The following GABBR2 variants were observed in gnomAD, a reference collection of about 807,000 sequenced individuals.
GABBR2 encodes the protein G-protein coupled receptor 51.
A neutral mutation model predicts 105.6 loss-of-function variants in GABBR2; 23 were observed. The ratio of observed to expected loss-of-function variants is 0.22; its 90% CI spans 0.16 to 0.31. The LOEUF (loss-of-function observed/expected upper bound fraction) is 0.31. GABBR2 is among the 10% of genes least tolerant of loss of function. The probability of loss-of-function intolerance (pLI) is 1.00; values close to 1 mark genes in which losing one functional copy is unlikely to be tolerated. For missense variants in GABBR2, 734 were observed against 1,245.5 expected (o/e 0.59, Z 6.18); for synonymous variants, 478 against 499.7 (o/e 0.96, Z 0.58).
At chr9:98,608,856 T>A (rs2131811689) in intron 1 of GABBR2, among the ~76,000 whole-genome samples, 1 of 152,364 alleles carries the variant, frequency 6.6e-6, no homozygotes, top group South Asian at 2.1e-4. Flanking sequence ...GCATCTTTCA[T>A]ATGGTAGGAA....
At chr9:98,304,041 C>T (rs903874884) in intron 15 of GABBR2, 1 of 152,254 alleles carries the variant, frequency 6.6e-6, no homozygotes, top group African/African-American at 2.4e-5. Context: ...CATCTCCGGT[C>T]GAAGCAGGCT....
chr9:98,688,152 T>A (rs887631030), intron 1 of GABBR2, among the ~76,000 whole-genome samples: 1 of 152,182 alleles, frequency 6.6e-6, no homozygotes, highest in African/African-American at 2.4e-5. Context: ...GCTCATTGAC[T>A]TTGTCTTGTC....
Position 98,536,268 on chromosome 9 carries a change from C to T in GABBR2, c.630+5605G>A, listed in dbSNP as rs1030274656. ...CTCCATAAGCTCACATCCTAGAATC[C>T]AAAATTCTTTGAGCTAGGAGGGATC... On this transcript the variant is annotated intron_variant, in intron 3 of 18. Transcript: ENST00000259455. 6.6e-5 allele frequency among the ~76,000 whole-genome samples: 10 copies of T among 152,220 alleles called. No individual in the cohort carries two copies. The South Asian group carries it at 2.1e-3, about 32-fold the overall frequency.
intron 7 of GABBR2, among the ~76,000 whole-genome samples, chr9:98,408,530 A>G (rs1371714860): frequency 6.6e-6 from 1 of 152,234 alleles, no homozygotes; most frequent in African/African-American, 2.4e-5. Flanking sequence ...GAGGGAGGCC[A>G]CAGGCCAGTA....
intron 2 of GABBR2, among the ~76,000 whole-genome samples, chr9:98,571,757 CA>C (rs886844075): frequency 9.2e-5 from 14 of 152,182 alleles, no homozygotes; most frequent in African/African-American, 3.4e-4. Flanking sequence ...CCTTGGCCCA[CA>C]GGGAACTCAT....
chr9:98,414,780 T>C (rs535380437), intron 7 of GABBR2, among the ~76,000 whole-genome samples: 35 of 152,272 alleles, frequency 2.3e-4, no homozygotes, highest in African/African-American at 8.2e-4. Flanking sequence ...ACTCCAGGCC[T>C]GGACCATGAA....
In GABBR2 at chr9:98,406,118, C is replaced by T. The variant is rs374042690; in HGVS notation, c.1260G>A (p.Gly420=). 2 of 1,583,214 alleles carry T rather than the reference C, an allele frequency of 1.3e-6. No individual in the cohort carries two copies. Among genetic ancestry groups the T allele is most frequent in the Non-Finnish European group, 1.7e-6 (2 of 1,162,858 alleles). The change falls in exon 8 of 19, where the codon GGG becomes GGA. Residue 420 remains glycine (G), a synonymous_variant. Transcript: ENST00000259455. ...TAAATTTAATGGTCCCCATTCTCTCCCCATTCCGGAATACAACTTGACCCT... is the reference window on the plus strand; with the variant it reads ...TAAATTTAATGGTCCCCATTCTCTCTCCATTCCGGAATACAACTTGACCCT... ...GVTGQVVFRN[G]ERMGTIKFTQ... is the part of the protein sequence containing the mutation.
chr9:98,363,826 G>A (rs991756423), intron 12 of GABBR2, among the ~76,000 whole-genome samples: 1 of 152,086 alleles, frequency 6.6e-6, no homozygotes, highest in African/African-American at 2.4e-5. Context: ...GATAGGGATC[G>A]GCTGGGGGAT....
intron 1 of GABBR2, among the ~76,000 whole-genome samples, chr9:98,597,976 C>G (rs957337916): frequency 2.6e-5 from 4 of 152,110 alleles, no homozygotes; most frequent in South Asian, 4.2e-4. Flanking sequence ...TGTGCACCAC[C>G]ACCTCCGGCT....
intron 7 of GABBR2, among the ~76,000 whole-genome samples, chr9:98,438,893 TTC>T (rs1012203122): frequency 2.6e-5 from 4 of 151,372 alleles, no homozygotes; most frequent in Non-Finnish European, 3.0e-5. Flanking sequence ...TCCCTCTCCC[TTC>T]TCTCTCTCTC....
At chr9:98,639,891 A>C (rs924879867) in intron 1 of GABBR2, among the ~76,000 whole-genome samples, 1 of 151,982 alleles carries the variant, frequency 6.6e-6, no homozygotes, top group East Asian at 1.9e-4. Context: ...ATTTCCCACC[A>C]TTCCGATTCC....
intron 13 of GABBR2, among the ~76,000 whole-genome samples, chr9:98,345,935 A>C (rs1831296491): frequency 6.6e-6 from 1 of 152,238 alleles, no homozygotes; most frequent in South Asian, 2.1e-4. Flanking sequence ...ACAGTATTCT[A>C]TTAAATGTGC....
At chr9:98,307,884 T>C (rs972976816) in intron 14 of GABBR2, among the ~76,000 whole-genome samples, 2 of 152,200 alleles carry the variant, frequency 1.3e-5, no homozygotes, top group Non-Finnish European at 2.9e-5. Flanking sequence ...TTTTATCCTT[T>C]CTCTAAATGT....
At chr9:98,455,356 C>T (rs1826307769) in intron 6 of GABBR2, among the ~76,000 whole-genome samples, 2 of 152,172 alleles carry the variant, frequency 1.3e-5, no homozygotes, top group African/African-American at 4.8e-5. Flanking sequence ...TTCTGAACTC[C>T]TCTGCCAGAA....
At chr9:98,344,227 C>T (rs911842567) in intron 13 of GABBR2, among the ~76,000 whole-genome samples, 1 of 152,140 alleles carries the variant, frequency 6.6e-6, no homozygotes, top group African/African-American at 2.4e-5. Context: ...CATCTGAGTT[C>T]CCATCTCCAG....
chr9:98,420,160 G>A (rs911144469), intron 7 of GABBR2, among the ~76,000 whole-genome samples: 2 of 152,136 alleles, frequency 1.3e-5, no homozygotes, highest in African/African-American at 4.8e-5. Context: ...TCTCGGAGGA[G>A]GGGAGGCCAC....
chr9:98,565,826 C>A (rs145836050), intron 2 of GABBR2, among the ~76,000 whole-genome samples: 2 of 152,186 alleles, frequency 1.3e-5, no homozygotes, highest in Admixed American at 1.3e-4. Context: ...AAGCCTGAGA[C>A]GCGTACCCGG....
chr9:98,638,468 C>G (rs1011920544), intron 1 of GABBR2, among the ~76,000 whole-genome samples: 1 of 152,160 alleles, frequency 6.6e-6, no homozygotes, highest in South Asian at 2.1e-4. Flanking sequence ...CAGGCCAGCT[C>G]TCACTAATGC....
chr9:98,692,123 A>C (rs1329306045), intron 1 of GABBR2, among the ~76,000 whole-genome samples: 1 of 152,200 alleles, frequency 6.6e-6, no homozygotes, highest in East Asian at 1.9e-4. Flanking sequence ...CCCAAAACTA[A>C]CACAGCTAGT....
Sources: allele counts gnomAD v4.1 joint callset (sites outside exome capture counted in the v4.1 genomes callset), GRCh38; gene constraint gnomAD v4.1.1; transcripts MANE v1.5; gene names NCBI Gene and HGNC (gene_info 2026-07-23, HGNC 2026-07-21).